The following FSTL5 variants were observed in gnomAD, a reference collection of about 807,000 sequenced individuals.
FSTL5 encodes follistatin-related protein 5.
FSTL5 carries 62 observed loss-of-function variants against 89.1 expected under a neutral mutation model. The observed-to-expected ratio is 0.70, with a 90% CI of 0.57 to 0.86. FSTL5 has a LOEUF of 0.86. FSTL5 is among the 40% of genes least tolerant of loss of function. The pLI is 0.00. For missense variants in FSTL5, 1,057 were observed against 1,001.6 expected (o/e 1.06, Z -0.75); for synonymous variants, 383 against 346.2 (o/e 1.11, Z -1.18).
intron 4 of FSTL5, among the ~76,000 whole-genome samples, chr4:161,893,548 A>G (rs1321129487): frequency 6.6e-6 from 1 of 152,100 alleles, no homozygotes; most frequent in East Asian, 1.9e-4. Flanking sequence ...TACTATTTCC[A>G]ATCAAACAGA....
intron 1 of FSTL5, among the ~76,000 whole-genome samples, chr4:162,144,074 T>G (rs1732874640): frequency 6.6e-6 from 1 of 152,162 alleles, no homozygotes; most frequent in African/African-American, 2.4e-5. Flanking sequence ...AGCTTAAAGC[T>G]TTAGTTATAG....
intron 4 of FSTL5, among the ~76,000 whole-genome samples, chr4:161,870,635 G>C (rs1197487987): frequency 6.6e-6 from 1 of 152,074 alleles, no homozygotes. Context: ...AATTCTTAAT[G>C]AATGAGTAAA....
At chr4:161,430,296 T>TAG (rs375385300) in intron 15 of FSTL5, among the ~76,000 whole-genome samples, 6 of 151,424 alleles carry the variant, frequency 4.0e-5, no homozygotes, top group Admixed American at 1.3e-4. Flanking sequence ...AAAGAGTAGG[T>TAG]AGAGAGAGAG....
At chr4:161,768,997 G>A (rs1401310556) in intron 5 of FSTL5, among the ~76,000 whole-genome samples, 1 of 151,852 alleles carries the variant, frequency 6.6e-6, no homozygotes, top group Non-Finnish European at 1.5e-5. Context: ...AATCAGAGAT[G>A]AAAAACTAGA....
intron 3 of FSTL5, among the ~76,000 whole-genome samples, chr4:162,013,682 T>C (rs7658962): frequency 3.3e-5 from 5 of 152,140 alleles, no homozygotes; most frequent in Non-Finnish European, 7.4e-5. Context: ...CTTCAGACAT[T>C]AGTAAGCAAT....
intron 6 of FSTL5, among the ~76,000 whole-genome samples, chr4:161,657,942 A>G (rs1368359481): frequency 1.3e-5 from 2 of 152,158 alleles, no homozygotes; most frequent in Admixed American, 1.3e-4. Flanking sequence ...TTAAGTTATC[A>G]TTGTTTTGTG....
intron 2 of FSTL5, among the ~76,000 whole-genome samples, chr4:162,092,092 G>A (rs1730572744): frequency 6.6e-6 from 1 of 151,640 alleles, no homozygotes; most frequent in Admixed American, 6.6e-5. Flanking sequence ...CAATCCTAAG[G>A]TACATTAATA....
chr4:161,588,546 C>T (rs1733698379), intron 7 of FSTL5, among the ~76,000 whole-genome samples: 1 of 152,056 alleles, frequency 6.6e-6, no homozygotes, highest in Admixed American at 6.6e-5. Flanking sequence ...TGAAGCACCT[C>T]CAGAATAGCA....
chr4:161,762,236 G>A (rs1217414329), intron 5 of FSTL5, among the ~76,000 whole-genome samples: 3 of 151,990 alleles, frequency 2.0e-5, no homozygotes, highest in East Asian at 1.9e-4. Flanking sequence ...GGCGCATCTC[G>A]GCTCACTGCA....
chr4:161,975,754 AAAAAT>A (rs201057312), intron 3 of FSTL5, among the ~76,000 whole-genome samples: 93,522 of 134,702 alleles, frequency 0.69, 33,690 homozygotes, highest in Non-Finnish European at 0.78. Flanking sequence ...AAAGTATAAT[AAAAAT>A]AAAATAAAAT....
rs1333632274 is a variant in FSTL5 at position 161,482,671 on chromosome 4, A to G, written c.1459-1502T>C. ...AACCACATTGAACAACTAAAAATGT[A>G]ACCTTTCTCAGGCTGCATAACCATC... On this transcript the variant is annotated intron_variant, in intron 12 of 15. Transcript: ENST00000306100. 2.6e-5 allele frequency among the ~76,000 whole-genome samples: 4 copies of G among 152,340 alleles called. No homozygotes were observed. In the East Asian group the frequency reaches 7.7e-4, roughly 29 times the overall value.
chr4:161,749,949 C>T (rs567975315), intron 6 of FSTL5, among the ~76,000 whole-genome samples: 4 of 151,784 alleles, frequency 2.6e-5, no homozygotes, highest in African/African-American at 9.7e-5. Flanking sequence ...AAGCCCAGTC[C>T]CCACCATTAC....
At chr4:161,407,050 G>T (rs1023360268) in intron 15 of FSTL5, among the ~76,000 whole-genome samples, 4 of 152,096 alleles carry the variant, frequency 2.6e-5, no homozygotes, top group Non-Finnish European at 2.9e-5. Flanking sequence ...GGGGTAAAGG[G>T]GAATGGGAAG....
At chr4:161,744,498 G>A (rs1740126557) in intron 6 of FSTL5, among the ~76,000 whole-genome samples, 1 of 152,042 alleles carries the variant, frequency 6.6e-6, no homozygotes, top group Admixed American at 6.6e-5. Flanking sequence ...AATGAGAAAG[G>A]CAAGTCTTAC....
At chr4:161,451,515 G>A (rs1252940794) in intron 15 of FSTL5, among the ~76,000 whole-genome samples, 4 of 152,144 alleles carry the variant, frequency 2.6e-5, no homozygotes, top group Non-Finnish European at 5.9e-5. Flanking sequence ...TAGAGATTAC[G>A]AAGTCTGGAC....
chr4:161,859,721 T>C (rs1303350184), intron 4 of FSTL5, among the ~76,000 whole-genome samples: 1 of 152,110 alleles, frequency 6.6e-6, no homozygotes, highest in Non-Finnish European at 1.5e-5. Context: ...CTTAGAGGAA[T>C]AGAAGGGAGG....
intron 6 of FSTL5, among the ~76,000 whole-genome samples, chr4:161,659,097 AT>A (rs893856380): frequency 2.0e-5 from 3 of 152,142 alleles, no homozygotes; most frequent in African/African-American, 4.8e-5. Context: ...TCTAAAATGT[AT>A]TTTTTTAGAA....
chr4:161,611,186 ATG>A (rs1734627074), intron 7 of FSTL5, among the ~76,000 whole-genome samples: 2 of 142,794 alleles, frequency 1.4e-5, no homozygotes, highest in Admixed American at 1.4e-4. Flanking sequence ...ATATGTATAT[ATG>A]TGTATATGTG....
intron 2 of FSTL5, among the ~76,000 whole-genome samples, chr4:162,083,992 T>C (rs940615215): frequency 6.6e-6 from 1 of 151,844 alleles, no homozygotes; most frequent in Non-Finnish European, 1.5e-5. Context: ...TTAGACATTA[T>C]CTCAATGTGT....
Sources: gnomAD v4.1 joint callset for allele counts (sites outside exome capture counted in the v4.1 genomes callset) on GRCh38, gnomAD v4.1.1 for gene constraint, MANE v1.5 for transcripts, NCBI Gene and HGNC (gene_info 2026-07-23, HGNC 2026-07-21) for gene names.